The following SRSF7 variants were observed in gnomAD, a reference collection of about 807,000 sequenced individuals.
The protein encoded by SRSF7 is serine/arginine-rich splicing factor 7.
In SRSF7, 15 loss-of-function variants were observed where a neutral mutation model predicts 42.2. The ratio of observed to expected loss-of-function variants is 0.36; its 90% confidence interval spans 0.24 to 0.55. The LOEUF is 0.55. Among genes scored for constraint, SRSF7 ranks in the 20% least tolerant of loss-of-function variants. The pLI, the probability that SRSF7 is intolerant of heterozygous loss-of-function variation, is 0.88. For missense variants in SRSF7, 181 were observed against 305.9 expected (o/e 0.59, Z 3.04); for synonymous variants, 138 against 107.9 (o/e 1.28, Z -1.73).
intron 5 of SRSF7, among the ~76,000 whole-genome samples, chr2:38,747,728 T>TA (rs2148484850): frequency 6.6e-6 from 1 of 152,290 alleles, no homozygotes; most frequent in East Asian, 1.9e-4. Flanking sequence ...GAAAATCAAT[T>TA]ACCATCTTTC....
In SRSF7 at chr2:38,749,725, A is replaced by G. The variant is rs764345504; in HGVS notation, c.210-20T>C. 17 of 1,520,986 alleles carry G rather than the reference A, an allele frequency of 1.1e-5. No individual in the cohort carries two copies. In the African/African-American group the frequency reaches 2.1e-4, roughly 19 times the overall value. The allele number at this position is 1,520,986 out of a possible 1,614,324, so 94.2% of individuals were successfully genotyped here. On this transcript the variant is annotated intron_variant, in intron 2 of 7. Coordinates refer to ENST00000313117, the MANE Select transcript of SRSF7 (RefSeq NM_001031684.3). ...ATCACCCTAATAAAAGCAAATTAAC[A>G]AAATTCTAAAGTTAAAAATATATTC... is the stretch of plus-strand genomic sequence containing the variant.
intron 3 of SRSF7, 200 bp downstream of exon 3, chr2:38,749,329 T>C: frequency 1.3e-6 from 2 of 1,522,916 alleles, no homozygotes; most frequent in Non-Finnish European, 1.8e-6. Flanking sequence ...TCAAGGCGAC[T>C]GACTCAAACG....
intron 4 of SRSF7, among the ~76,000 whole-genome samples, 186 bp from the exon 5 acceptor site, chr2:38,748,343 T>C (rs1283669953): frequency 6.6e-6 from 1 of 152,026 alleles, no homozygotes; most frequent in Non-Finnish European, 1.5e-5. Flanking sequence ...AAATAAAAAT[T>C]AGCTGGGTAT....
rs1009389749 is a variant in SRSF7, at chr2:38,746,552, A to G, written c.626+142T>C. 4.9e-6 allele frequency: 6 copies of G among 1,224,238 alleles called. No individual in the cohort carries two copies. The Admixed American group carries it at 1.2e-4, about 24-fold the overall frequency. The allele number at this position is 1,224,238 out of a possible 1,614,324, so 75.8% of individuals were successfully genotyped here. A position where few individuals can be genotyped will look rare whatever the true frequency, so the allele number is the denominator to read the frequency against. On this transcript the variant is annotated intron_variant, in intron 6 of 7. Transcript: ENST00000313117. ...GGAAAGTCAGCCAGTAATAAATAGG[A>G]CATACACAAATAAGGTACTGTGTTC...
intron 2 of SRSF7, 66 bp from the exon 3 acceptor site, chr2:38,749,771 G>A (rs1668003758): frequency 1.0e-5 from 15 of 1,436,900 alleles, no homozygotes; most frequent in Non-Finnish European, 1.2e-5. Context: ...GATTTAAAAA[G>A]AACTCTTTCC....
At position 38,748,048 on chromosome 2, in the gene SRSF7, G is replaced by T; in HGVS notation, c.571C>A (p.Gln191Lys). Reference protein sequence around the residue: ...SGSIKGSRYFQSPSRSRSRSR... With the variant: ...SGSIKGSRYFKSPSRSRSRSR... ...GTAAGGAAAAAAAGTGTTACATACT[G>T]GAAATACCTCGATCCTTTTATAGAA... Residue 191 changes from glutamine (Q) to lysine (K), a missense_variant and splice_region_variant, in exon 5 of 8, where the codon CAA becomes AAA. Physicochemically the swap from Gln to Lys is moderately conservative, Grantham distance 53. Transcript: ENST00000313117. 6.2e-7 allele frequency: 1 copy of T among 1,610,618 alleles called. No homozygotes were observed. The highest frequency in any genetic ancestry group is 1.1e-5 in the South Asian group (1 of 90,824).
intron 5 of SRSF7, 156 bp from the exon 6 acceptor site, chr2:38,746,903 G>C (rs1667505541): frequency 2.3e-6 from 3 of 1,301,878 alleles, no homozygotes; most frequent in Admixed American, 2.5e-5. Context: ...GTCAAACAAA[G>C]TGTTACCAGA....
intron 3 of SRSF7, chr2:38,748,943 A>G: frequency 7.6e-7 from 1 of 1,319,396 alleles, no homozygotes; most frequent in Non-Finnish European, 9.8e-7. Context: ...GGTCTAGTAG[A>G]TCTAGACGAT....
intron 4 of SRSF7, 128 bp downstream of exon 4, chr2:38,748,451 C>A: frequency 1.1e-6 from 1 of 917,048 alleles, no homozygotes; most frequent in Non-Finnish European, 1.7e-6. Flanking sequence ...CGTGGTTATG[C>A]CCCTGTACTC....
In SRSF7 at chr2:38,751,312, C is replaced by T; in HGVS notation, c.-56G>A. On this transcript the variant is annotated 5_prime_UTR_variant, in exon 1 of 8. Transcript: ENST00000313117. ...CAAGCAGCGCCCAGGGCTCGAGTGA[C>T]GCAAAAGCTGACACACACCTTCACC... The T allele has an allele frequency of 6.2e-7, 1 of 1,612,954 alleles. No individual in the cohort carries two copies. Among genetic ancestry groups the T allele is most frequent in the Admixed American group, 1.7e-5 (1 of 60,012 alleles).
chr2:38,745,123 C>T lies in SRSF7; in HGVS notation c.*10G>A. ...AAATAACTTTTCCCTAAAGGGTGAA[C>T]TTGAGAGCTTCAGTCCATTCTTTCA... On this transcript the variant is annotated 3_prime_UTR_variant, in exon 8 of 8. Coordinates refer to ENST00000313117, the MANE Select transcript of SRSF7 (RefSeq NM_001031684.3). 2 of 1,614,080 alleles carry T rather than the reference C, an allele frequency of 1.2e-6. No individual in the cohort carries two copies. The highest frequency in any genetic ancestry group is 1.7e-6 in the Non-Finnish European group (2 of 1,179,946).
In SRSF7 at chr2:38,745,282, G is replaced by A. The variant is rs550437825; in HGVS notation, c.663-95C>T. On this transcript the variant is annotated intron_variant, in intron 7 of 7. Transcript: ENST00000313117. Reference sequence around the variant, plus strand: ...TTCAATAACTTCAAAGGTGGCCTAAGGTACTAATTTCCTATAGCAAAGACC... The same window carrying A: ...TTCAATAACTTCAAAGGTGGCCTAAAGTACTAATTTCCTATAGCAAAGACC... 4.3e-5 allele frequency: 55 copies of A among 1,291,040 alleles called. No individual in the cohort carries two copies. In the Middle Eastern group the frequency reaches 5.6e-4, roughly 13 times the overall value. The allele number at this position is 1,291,040 out of a possible 1,614,324, so 80.0% of individuals were successfully genotyped here.
At chr2:38,747,442 A>G (rs962745438) in intron 5 of SRSF7, among the ~76,000 whole-genome samples, 13 of 152,224 alleles carry the variant, frequency 8.5e-5, no homozygotes, top group African/African-American at 7.2e-5. Flanking sequence ...GTTGGTACAG[A>G]TAACAATATT....
intron 7 of SRSF7, 92 bp downstream of exon 7, chr2:38,746,052 A>G (rs1209242402): frequency 7.5e-6 from 10 of 1,333,574 alleles, no homozygotes; most frequent in African/African-American, 1.5e-5. Flanking sequence ...CCAATTCTCC[A>G]AAGAGCTCAA....
chr2:38,743,902 T>TC lies in SRSF7; in HGVS notation c.*1230_*1231insG. 1.3e-5 allele frequency: 2 copies of TC among 151,694 alleles called. No individual in the cohort carries two copies. Among genetic ancestry groups the TC allele is most frequent in the Non-Finnish European group, 2.9e-5 (2 of 67,810 alleles). The allele number at this position is 151,694 out of a possible 1,614,324, so 9.4% of individuals were successfully genotyped here. ...AGGTATCTGCGCAACCAGCAGGTTT[T>TC]TTTTTTTTTGTACCAAGGCTAGAGA... On this transcript the variant is annotated 3_prime_UTR_variant, in exon 8 of 8. Coordinates refer to ENST00000313117, the MANE Select transcript of SRSF7 (RefSeq NM_001031684.3).
intron 7 of SRSF7, 85 bp from the exon 8 acceptor site, chr2:38,745,272 G>A (rs1667196228): frequency 7.3e-7 from 1 of 1,371,262 alleles, no homozygotes; most frequent in South Asian, 1.2e-5. Flanking sequence ...TAACTTCAAA[G>A]GTGGCCTAAG....
At position 38,748,276 on chromosome 2, in the gene SRSF7, GT is replaced by G. The variant is rs964642768; in HGVS notation, c.462-120del. 84 of 769,716 alleles carry G rather than the reference GT, an allele frequency of 1.1e-4. 1 individual carries two copies. In the Admixed American group the frequency reaches 2.2e-3, roughly 20 times the overall value. 47.7% of individuals were successfully genotyped at this position (769,716 alleles called of 1,614,324 possible). ...ATAATCCCAGCACTGCGGGAGGATC[GT>G]TTGAGCCCAGGAGCTTGAGACCAGC... On this transcript the variant is annotated intron_variant, in intron 4 of 7. Transcript: ENST00000313117.
chr2:38,745,274 T>A (rs1667196804), intron 7 of SRSF7, 87 bp from the exon 8 acceptor site: 1 of 1,375,382 alleles, frequency 7.3e-7, no homozygotes, highest in Admixed American at 1.8e-5. Context: ...ACTTCAAAGG[T>A]GGCCTAAGGT....
At chr2:38,748,793 G>A in intron 3 of SRSF7, 140 bp from the exon 4 acceptor site, 10 of 1,194,108 alleles carry the variant, frequency 8.4e-6, no homozygotes, top group African/African-American at 1.6e-5. Flanking sequence ...CCTATTAGTT[G>A]TTGAGTATTT....
Sources: gnomAD v4.1 joint callset for allele counts (sites outside exome capture counted in the v4.1 genomes callset) on GRCh38, gnomAD v4.1.1 for gene constraint, MANE v1.5 for transcripts, NCBI Gene and HGNC (gene_info 2026-07-23, HGNC 2026-07-21) for gene names.